Variants in RNF150 observed in about 807,000 individuals in gnomAD.
The protein encoded by RNF150 is ring finger protein 150.
In RNF150, 24 loss-of-function variants were observed where a neutral mutation model predicts 39.3. The observed-to-expected ratio is 0.61, with a 90% CI of 0.44 to 0.86. RNF150 has a LOEUF of 0.86. Among genes scored for constraint, RNF150 ranks in the 40% least tolerant of loss-of-function variants. RNF150 has a pLI of 0.00. For synonymous variants in RNF150, 255 were observed against 227.3 expected (o/e 1.12, Z -1.10); for missense variants, 502 against 587.8 (o/e 0.85, Z 1.51).
intron 1 of RNF150, among the ~76,000 whole-genome samples, chr4:141,060,580 T>C (rs753546577): frequency 2.6e-5 from 4 of 152,104 alleles, no homozygotes; most frequent in Non-Finnish European, 5.9e-5. Flanking sequence ...ATATCCAGGG[T>C]AAAATGTAAA....
intron 1 of RNF150, among the ~76,000 whole-genome samples, chr4:141,021,242 G>A (rs1735479045): frequency 6.6e-6 from 1 of 152,056 alleles, no homozygotes. Flanking sequence ...CAACGTAACA[G>A]GATTCTTGCT....
intron 1 of RNF150, among the ~76,000 whole-genome samples, chr4:141,195,947 G>C (rs1353767383): frequency 3.3e-5 from 5 of 152,128 alleles, no homozygotes; most frequent in Non-Finnish European, 7.4e-5. Context: ...AGCAGAAAGG[G>C]GGCATGTGGA....
intron 6 of RNF150, 37 bp from the exon 7 acceptor site, chr4:140,868,416 G>T: frequency 8.9e-7 from 1 of 1,125,160 alleles, no homozygotes; most frequent in Non-Finnish European, 1.4e-6. Context: ...TGAACACCGA[G>T]CTATGTCTTT....
chr4:140,868,295 GA>G lies in RNF150; in HGVS notation c.1282del (p.Ser428ProfsTer9). On this transcript the variant is annotated frameshift_variant, in exon 7 of 7. Transcript: ENST00000515673. LOFTEE classifies it high-confidence loss of function. ...MEVGLSDVELSTDQDCEEVKS is the reference protein window; with the variant it reads ...MEVGLSDVELXTDQDCEEVKS The stretch of plus-strand genomic sequence containing the variant: ...CACTTCTTCACAGTCCTGGTCAGTG[GA>G]AAGTTCTACATCAGACAGTCCAACC... The G allele has an allele frequency of 6.2e-7, 1 of 1,609,168 alleles. No homozygotes were observed. The highest frequency in any genetic ancestry group is 8.5e-7 in the Non-Finnish European group (1 of 1,175,554).
At chr4:140,899,974 CTG>C (rs71852763) in intron 6 of RNF150, among the ~76,000 whole-genome samples, 2,773 of 68,920 alleles carry the variant, frequency 0.04, 95 homozygotes, top group African/African-American at 0.11. Flanking sequence ...CTCTCTCTCT[CTG>C]TGTGTGTGTG....
chr4:140,926,175 C>T, intron 4 of RNF150, 102 bp from the exon 5 acceptor site: 2 of 792,192 alleles, frequency 2.5e-6, no homozygotes, highest in South Asian at 3.0e-5. Flanking sequence ...TACTCAGTGG[C>T]AGAGCCAAGA....
At chr4:141,051,015 G>A (rs1428443507) in intron 1 of RNF150, among the ~76,000 whole-genome samples, 1 of 152,156 alleles carries the variant, frequency 6.6e-6, no homozygotes, top group African/African-American at 2.4e-5. Flanking sequence ...TACCTCCTCT[G>A]AAATCTAGGT....
chr4:140,883,315 G>C (rs1465571932), intron 6 of RNF150, among the ~76,000 whole-genome samples: 2 of 151,936 alleles, frequency 1.3e-5, no homozygotes, highest in East Asian at 3.9e-4. Flanking sequence ...CAGTATTTAT[G>C]CACCACCCTA....
intron 1 of RNF150, among the ~76,000 whole-genome samples, chr4:141,105,623 C>G (rs1328049360): frequency 6.6e-6 from 1 of 152,146 alleles, no homozygotes; most frequent in Non-Finnish European, 1.5e-5. Context: ...TGTGCCAAGC[C>G]TCAGCAATCT....
intron 1 of RNF150, among the ~76,000 whole-genome samples, chr4:141,018,707 C>T (rs1452435012): frequency 2.6e-5 from 4 of 152,022 alleles, no homozygotes; most frequent in Non-Finnish European, 5.9e-5. Context: ...CAGAAAGGGT[C>T]CCCAGCTGTC....
chr4:141,150,143 GA>G (rs1553951215), intron 1 of RNF150, among the ~76,000 whole-genome samples: 1 of 152,098 alleles, frequency 6.6e-6, no homozygotes, highest in Non-Finnish European at 1.5e-5. Context: ...AAAATGGTGG[GA>G]AAATATACTA....
chr4:141,072,459 T>C (rs995364229), intron 1 of RNF150, among the ~76,000 whole-genome samples: 7 of 152,156 alleles, frequency 4.6e-5, no homozygotes, highest in African/African-American at 1.7e-4. Context: ...GTGTTTTCAG[T>C]GGGACAAAAG....
At chr4:140,875,054 G>A (rs1343309204) in intron 6 of RNF150, among the ~76,000 whole-genome samples, 2 of 151,868 alleles carry the variant, frequency 1.3e-5, no homozygotes. Context: ...TAAAACCAAG[G>A]CTCAAAAAGG....
At chr4:141,005,954 A>G (rs1734851568) in intron 1 of RNF150, among the ~76,000 whole-genome samples, 1 of 145,580 alleles carries the variant, frequency 6.9e-6, no homozygotes, top group Non-Finnish European at 1.5e-5. Context: ...CTGTAGTCCC[A>G]GCTACTTGGG....
chr4:140,972,221 A>G (rs1345377768), intron 1 of RNF150, among the ~76,000 whole-genome samples: 1 of 152,138 alleles, frequency 6.6e-6, no homozygotes, highest in African/African-American at 2.4e-5. Context: ...ATTTATTCTC[A>G]GGAGGAATGT....
rs6830255 is a variant in RNF150, at chr4:141,096,722, C to T, written c.484+35603G>A. Among the ~76,000 whole-genome samples the T allele has an allele frequency of 3.0e-3, 458 of 152,292 alleles. 2 individuals carry two copies. The highest frequency in any genetic ancestry group is 0.01 in the African/African-American group (432 of 41,570). Reference sequence around the variant, plus strand: ...AGTTTACTGTGATCAAACAATCCCTCTTTTATTTTTACTCTGAACAAGGTA... The same window carrying T: ...AGTTTACTGTGATCAAACAATCCCTTTTTTATTTTTACTCTGAACAAGGTA... On this transcript the variant is annotated intron_variant, in intron 1 of 6. Transcript: ENST00000515673.
intron 1 of RNF150, among the ~76,000 whole-genome samples, chr4:141,065,145 A>G (rs766464754): frequency 2.0e-5 from 3 of 152,292 alleles, no homozygotes; most frequent in Non-Finnish European, 4.4e-5. Context: ...GATTACAGAC[A>G]TGAGCCACCA....
intron 2 of RNF150, among the ~76,000 whole-genome samples, chr4:140,962,512 G>A (rs1011254396): frequency 9.3e-5 from 14 of 151,196 alleles, no homozygotes; most frequent in Admixed American, 9.2e-4. Flanking sequence ...ATATATAAAA[G>A]TTTCTCACAT....
chr4:140,916,750 C>T (rs1730849585), intron 5 of RNF150, among the ~76,000 whole-genome samples: 1 of 152,032 alleles, frequency 6.6e-6, no homozygotes. Flanking sequence ...TCAGATTCAC[C>T]AAAGTTGAAA....
Sources: gnomAD v4.1 joint callset for allele counts (sites outside exome capture counted in the v4.1 genomes callset) on GRCh38, gnomAD v4.1.1 for gene constraint, MANE v1.5 for transcripts, NCBI Gene and HGNC (gene_info 2026-07-23, HGNC 2026-07-21) for gene names.